MAPK10: variants seen among roughly 807,000 people sequenced by gnomAD.
MAPK10 encodes mitogen-activated protein kinase 10, also known as JNK3 alpha protein kinase.
A neutral mutation model predicts 59.3 loss-of-function variants in MAPK10; 25 were observed. The observed-to-expected ratio is 0.42, with a 90% CI of 0.31 to 0.59. MAPK10 has a LOEUF of 0.59. Among genes scored for constraint, MAPK10 ranks in the 20% least tolerant of loss-of-function variants. The pLI, the probability that MAPK10 is intolerant of heterozygous loss-of-function variation, is 0.15. For missense variants in MAPK10, 351 were observed against 568.9 expected, an observed-to-expected ratio of 0.62 and a Z score of 3.90; for synonymous variants, 190 against 200.5, an observed-to-expected ratio of 0.95 and a Z score of 0.44.
rs115579189 is a variant in MAPK10 at position 86,426,783 on chromosome 4, A to G, written c.-122+26247T>C. 3.3e-3 allele frequency among the ~76,000 whole-genome samples: 500 copies of G among 152,316 alleles called. 1 individual carries two copies. Among genetic ancestry groups the G allele is most frequent in the African/African-American group, 0.012 (483 of 41,576 alleles). ...TTAGCCTGAATTTGCCCATCTTTAA[A>G]ATAGAAATAATACTAGTACCTACCT... On this transcript the variant is annotated intron_variant, in intron 1 of 13. Transcript: ENST00000361569.
chr4:86,487,855 TAAAA>T (rs1454529599), intron 1 of MAPK10, among the ~76,000 whole-genome samples: 1 of 150,418 alleles, frequency 6.6e-6, no homozygotes, highest in Admixed American at 6.6e-5. Context: ...AAAGAACAAA[TAAAA>T]AAGATAAGAG....
chr4:86,202,612 A>G (rs1010885283), intron 2 of MAPK10, among the ~76,000 whole-genome samples: 2 of 151,962 alleles, frequency 1.3e-5, no homozygotes, highest in African/African-American at 4.8e-5. Flanking sequence ...AGGAGTTTGC[A>G]GTAGTAGAAA....
intron 2 of MAPK10, among the ~76,000 whole-genome samples, chr4:86,338,521 G>T (rs1219781269): frequency 6.6e-6 from 1 of 152,110 alleles, no homozygotes; most frequent in East Asian, 1.9e-4. Context: ...CTCTTGTGGG[G>T]ATTCCCATGC....
rs192034770 is a variant in MAPK10, at chr4:86,310,832, C to T, written c.-7+43698G>A. Among the ~76,000 whole-genome samples the T allele has an allele frequency of 3.2e-3, 482 of 152,036 alleles. 2 individuals carry two copies. Among genetic ancestry groups the T allele is most frequent in the Non-Finnish European group, 5.7e-3 (390 of 67,978 alleles). On this transcript the variant is annotated intron_variant, in intron 2 of 13. Transcript: ENST00000641462. The stretch of plus-strand genomic sequence containing the variant: ...AGGAAGGTTCTTTATTCCTTTCCTG[C>T]TGTGGAATGTTTTTCATGATGGCAA...
chr4:86,282,833 TCTATGGAATCA>T (rs2094862826), intron 2 of MAPK10, among the ~76,000 whole-genome samples: 1 of 152,180 alleles, frequency 6.6e-6, no homozygotes. Flanking sequence ...TTTCCCTATG[TCTATGGAATCA>T]AAGTCTAGGC....
intron 1 of MAPK10, among the ~76,000 whole-genome samples, chr4:86,461,673 T>C (rs1169891776): frequency 5.9e-5 from 9 of 152,178 alleles, no homozygotes; most frequent in Non-Finnish European, 7.4e-5. Flanking sequence ...AGAGCAGATT[T>C]GTTTGCCAGC....
intron 2 of MAPK10, among the ~76,000 whole-genome samples, chr4:86,303,901 G>T (rs1584365604): frequency 6.6e-6 from 1 of 152,094 alleles, no homozygotes; most frequent in Admixed American, 6.6e-5. Context: ...CTACCACTAC[G>T]AAATCATAGA....
At chr4:86,028,921 C>T in intron 13 of MAPK10, 1 of 440,990 alleles carries the variant, frequency 2.3e-6, no homozygotes, top group Non-Finnish European at 4.2e-6. Flanking sequence ...GGCACATTTA[C>T]CCTTTAGCCC....
intron 3 of MAPK10, among the ~76,000 whole-genome samples, chr4:86,181,640 T>C (rs2076960123): frequency 6.6e-6 from 1 of 152,156 alleles, no homozygotes; most frequent in Admixed American, 6.6e-5. Context: ...GTTTTTCTGC[T>C]GGGTTTTCAT....
chr4:86,304,086 C>T (rs1176599104), intron 2 of MAPK10, among the ~76,000 whole-genome samples: 1 of 151,832 alleles, frequency 6.6e-6, no homozygotes, highest in Non-Finnish European at 1.5e-5. Context: ...ACATTAAAAA[C>T]AAAGAGATCT....
In MAPK10 at chr4:86,171,796, C is replaced by A. The variant is rs564037938; in HGVS notation, c.67-12329G>T. On this transcript the variant is annotated intron_variant, in intron 3 of 13. Transcript: ENST00000641462. ...ACCATCAGAGTGAACAGGCAACCTA[C>A]AAAATGGGAGAAAATTTTCCCAACC... is the stretch of plus-strand genomic sequence containing the variant. 6.0e-5 allele frequency among the ~76,000 whole-genome samples: 9 copies of A among 151,068 alleles called. No individual in the cohort carries two copies. In the South Asian group the frequency reaches 1.7e-3, roughly 28 times the overall value.
chr4:86,530,516 T>C (rs529045526), intron 1 of MAPK10, among the ~76,000 whole-genome samples: 1 of 152,336 alleles, frequency 6.6e-6, no homozygotes, highest in Non-Finnish European at 1.5e-5. Flanking sequence ...ATAAACTGGG[T>C]GGCTTAAAAA....
At chr4:86,346,231 G>T (rs930024178) in intron 2 of MAPK10, among the ~76,000 whole-genome samples, 1 of 152,130 alleles carries the variant, frequency 6.6e-6, no homozygotes, top group African/African-American at 2.4e-5. Context: ...GGTGTCACAA[G>T]CTATCTTCAC....
At chr4:86,485,681 A>G (rs2149072815) in intron 1 of MAPK10, among the ~76,000 whole-genome samples, 1 of 152,360 alleles carries the variant, frequency 6.6e-6, no homozygotes, top group Non-Finnish European at 1.5e-5. Context: ...GTGCCATTGC[A>G]AAATTCATTT....
At chr4:86,242,512 G>A (rs2092797747) in intron 2 of MAPK10, among the ~76,000 whole-genome samples, 5 of 152,220 alleles carry the variant, frequency 3.3e-5, no homozygotes, top group Admixed American at 3.3e-4. Flanking sequence ...CAGGCCCAGG[G>A]AGATCCAAAT....
intron 1 of MAPK10, among the ~76,000 whole-genome samples, chr4:86,583,050 C>A (rs900405303): frequency 6.6e-6 from 1 of 151,980 alleles, no homozygotes; most frequent in African/African-American, 2.4e-5. Flanking sequence ...ATCCAAATAA[C>A]CTGTTCACCC....
intron 2 of MAPK10, among the ~76,000 whole-genome samples, chr4:86,212,328 G>C (rs1007684972): frequency 5.3e-5 from 8 of 151,940 alleles, no homozygotes; most frequent in African/African-American, 1.9e-4. Context: ...GACCAGCCTG[G>C]GCAACATATC....
intron 4 of MAPK10, among the ~76,000 whole-genome samples, chr4:86,109,547 C>T (rs889930684): frequency 5.3e-5 from 8 of 152,152 alleles, no homozygotes; most frequent in Non-Finnish European, 8.8e-5. Flanking sequence ...CATCCATGTC[C>T]CTGCAAAGGA....
At chr4:86,457,430 C>T (rs538363459), upstream of MAPK10, among the ~76,000 whole-genome samples, 2 of 152,262 alleles carry the variant, frequency 1.3e-5, no homozygotes, top group Admixed American at 6.5e-5. Flanking sequence ...CCAGAAAGCT[C>T]CTAGAACTCA....
Sources: allele counts gnomAD v4.1 joint callset (sites outside exome capture counted in the v4.1 genomes callset), GRCh38; gene constraint gnomAD v4.1.1; transcripts MANE v1.5; gene names NCBI Gene and HGNC (gene_info 2026-07-23, HGNC 2026-07-21).